SLC24A2: variants seen among roughly 807,000 people sequenced by gnomAD.
The protein encoded by SLC24A2 is sodium/potassium/calcium exchanger 2.
A neutral mutation model predicts 62.0 loss-of-function variants in SLC24A2; 36 were observed. The observed-to-expected ratio is 0.58, with a 90% CI of 0.44 to 0.77. The LOEUF (loss-of-function observed/expected upper bound fraction) is 0.77, where lower values mean the gene tolerates loss of function less well. Ranked by LOEUF, SLC24A2 falls within the 30% of genes least tolerant of loss-of-function variation. SLC24A2 has a pLI of 0.00. For missense variants in SLC24A2, 846 were observed against 817.9 expected (o/e 1.03, Z -0.42); for synonymous variants, 358 against 294.0 (o/e 1.22, Z -2.23).
chr9:20,255,405 G>A, the SLC24A2 span, among the ~76,000 whole-genome samples: 21 of 152,274 alleles, frequency 1.4e-4, no homozygotes, highest in East Asian at 3.5e-3. Flanking sequence ...CTACCCCCAA[G>A]TTAGCGGCTT....
intron 2 of SLC24A2, among the ~76,000 whole-genome samples, chr9:19,701,350 C>A (rs563537741): frequency 6.6e-6 from 1 of 152,322 alleles, no homozygotes; most frequent in South Asian, 2.1e-4. Flanking sequence ...CTGCCAGCGT[C>A]TACCCACCTT....
intron 2 of SLC24A2, among the ~76,000 whole-genome samples, chr9:19,758,114 C>G (rs1206312597): frequency 6.6e-6 from 1 of 152,106 alleles, no homozygotes; most frequent in African/African-American, 2.4e-5. Context: ...CAACACAAAA[C>G]AGACTAAGAT....
rs929829066 is a variant in SLC24A2 at position 19,512,984 on chromosome 9, C to T, written c.*3169G>A. 3 of 151,648 alleles carry T rather than the reference C, an allele frequency of 2.0e-5. No individual in the cohort carries two copies. The highest frequency in any genetic ancestry group is 1.3e-4 in the Admixed American group (2 of 15,214). The allele number at this position is 151,648 out of a possible 1,614,324, so 9.4% of individuals were successfully genotyped here. A position where few individuals can be genotyped will look rare whatever the true frequency, so the allele number is the denominator to read the frequency against. On this transcript the variant is annotated 3_prime_UTR_variant, in exon 11 of 11. Transcript: ENST00000341998. The stretch of plus-strand genomic sequence containing the variant: ...TGTAAATATATGTGCATGGAACAAA[C>T]AACCTTATGAAATCAGGAAGAAATG...
At chr9:19,758,317 G>C (rs1366401980) in intron 2 of SLC24A2, among the ~76,000 whole-genome samples, 1 of 152,166 alleles carries the variant, frequency 6.6e-6, no homozygotes, top group Non-Finnish European at 1.5e-5. Context: ...CTAAGTCTGT[G>C]AAGAAGATAG....
chr9:19,803,730 G>A, the SLC24A2 span, among the ~76,000 whole-genome samples: 24 of 152,246 alleles, frequency 1.6e-4, no homozygotes, highest in South Asian at 1.0e-3. Flanking sequence ...AGAAATATTT[G>A]CACCTCAGTT....
At chr9:19,731,426 T>C (rs937804188) in intron 2 of SLC24A2, among the ~76,000 whole-genome samples, 3 of 152,160 alleles carry the variant, frequency 2.0e-5, no homozygotes, top group African/African-American at 7.2e-5. Flanking sequence ...TTAAGTTAAA[T>C]ACAATCATAA....
the SLC24A2 span, among the ~76,000 whole-genome samples, chr9:19,939,573 G>A: frequency 6.6e-6 from 1 of 152,312 alleles, no homozygotes; most frequent in Non-Finnish European, 1.5e-5. Flanking sequence ...TGAGTAGTGA[G>A]TGAATGTGAA....
chr9:19,990,783 G>C, the SLC24A2 span, among the ~76,000 whole-genome samples: 1 of 149,586 alleles, frequency 6.7e-6, no homozygotes, highest in Non-Finnish European at 1.5e-5. Context: ...ATAAGTCATC[G>C]CTTTATCCAG....
At chr9:19,988,816 A>G in the SLC24A2 span, among the ~76,000 whole-genome samples, 16 of 152,268 alleles carry the variant, frequency 1.1e-4, no homozygotes, top group East Asian at 2.9e-3. Flanking sequence ...CTCAGTCCAA[A>G]TCACACACTC....
intron 2 of SLC24A2, among the ~76,000 whole-genome samples, chr9:19,778,953 C>A (rs1400387176): frequency 6.6e-6 from 1 of 152,014 alleles, no homozygotes; most frequent in Non-Finnish European, 1.5e-5. Context: ...TGAAAAGCTA[C>A]CTAACAGATT....
the SLC24A2 span, among the ~76,000 whole-genome samples, chr9:19,982,825 T>A: frequency 6.6e-6 from 1 of 152,174 alleles, no homozygotes; most frequent in Non-Finnish European, 1.5e-5. Flanking sequence ...GCTTATATAC[T>A]ATGACAAAGT....
chr9:19,608,706 T>C (rs554456781), intron 4 of SLC24A2, among the ~76,000 whole-genome samples: 3 of 152,192 alleles, frequency 2.0e-5, no homozygotes, highest in African/African-American at 4.8e-5. Context: ...AAAGTTCCAC[T>C]TTCTTGTTTT....
At chr9:19,831,851 T>C in the SLC24A2 span, among the ~76,000 whole-genome samples, 4 of 152,214 alleles carry the variant, frequency 2.6e-5, no homozygotes, top group African/African-American at 7.2e-5. Flanking sequence ...ATTTCCTTGC[T>C]AAACTTAGAA....
chr9:19,583,874 G>A (rs1216165772), intron 5 of SLC24A2, among the ~76,000 whole-genome samples: 19 of 152,138 alleles, frequency 1.2e-4, no homozygotes, highest in Admixed American at 1.2e-3. Flanking sequence ...AAAGATCAGG[G>A]CAGGGAAAGC....
the SLC24A2 span, among the ~76,000 whole-genome samples, chr9:20,005,696 C>G: frequency 6.6e-6 from 1 of 151,662 alleles, no homozygotes; most frequent in Non-Finnish European, 1.5e-5. Context: ...CCAGGAAGTT[C>G]TATTAGATGT....
rs182161271 is a variant in SLC24A2, at chr9:19,760,966, G to A, written c.930+24971C>T. Among the ~76,000 whole-genome samples, 254 of 152,054 alleles carry A rather than the reference G, an allele frequency of 1.7e-3. 1 individual carries two copies. Among genetic ancestry groups the A allele is most frequent in the Non-Finnish European group, 8.2e-4 (56 of 68,002 alleles). ...ATTAGGAGATACACCTCACGTAAAC[G>A]ACAAGTTAAGGAGTGCATCACACCA... On this transcript the variant is annotated intron_variant, in intron 2 of 10. Coordinates refer to ENST00000341998, the MANE Select transcript of SLC24A2 (RefSeq NM_020344.4).
intron 2 of SLC24A2, among the ~76,000 whole-genome samples, chr9:19,722,615 G>A (rs1042476125): frequency 6.6e-6 from 1 of 151,392 alleles, no homozygotes; most frequent in Non-Finnish European, 1.5e-5. Flanking sequence ...TTAGGCACAG[G>A]CATGTGAATT....
intron 8 of SLC24A2, among the ~76,000 whole-genome samples, chr9:19,532,348 G>A (rs551180959): frequency 1.1e-4 from 16 of 152,014 alleles, no homozygotes; most frequent in Non-Finnish European, 1.3e-4. Context: ...CTCCTGCCTC[G>A]GCTTCCCAAA....
the SLC24A2 span, among the ~76,000 whole-genome samples, chr9:20,283,837 T>G: frequency 4.0e-5 from 6 of 151,816 alleles, no homozygotes; most frequent in South Asian, 2.1e-4. Context: ...GCATGCGCAA[T>G]GCTTTTCTTG....
Sources: gnomAD v4.1 joint callset for allele counts (sites outside exome capture counted in the v4.1 genomes callset) on GRCh38, gnomAD v4.1.1 for gene constraint, MANE v1.5 for transcripts, NCBI Gene and HGNC (gene_info 2026-07-23, HGNC 2026-07-21) for gene names.